PCDHGB1: variants seen among roughly 807,000 people sequenced by gnomAD.
PCDHGB1 encodes protocadherin gamma subfamily B, 1, also known as protocadherin gamma-B1.
Under a neutral mutation model 56.6 loss-of-function variants are expected in PCDHGB1, and 34 were observed. The observed-to-expected ratio is 0.60, with a 90% CI of 0.46 to 0.80. The LOEUF (loss-of-function observed/expected upper bound fraction) is 0.80, where lower values mean the gene tolerates loss of function less well. Ranked by LOEUF, PCDHGB1 falls within the 30% of genes least tolerant of loss-of-function variation. The pLI is 0.00. For synonymous variants in PCDHGB1, 561 were observed against 505.9 expected (o/e 1.11, Z -1.46); for missense variants, 1,278 against 1,204.6 (o/e 1.06, Z -0.90).
rs764337284 is a variant in PCDHGB1, at chr5:141,490,255, G to A, written c.2410-4552G>A. Reference sequence around the variant, plus strand: ...GGAGGGCCACTGTGTGATTCAAGTGGATGTGGGGGATGTCAATGACAATGC... The same window carrying A: ...GGAGGGCCACTGTGTGATTCAAGTGAATGTGGGGGATGTCAATGACAATGC... On this transcript the variant is annotated intron_variant, in intron 1 of 3. Transcript: ENST00000523390. The surrounding 1 kb of genome is among the most constrained non-coding windows in gnomAD (Gnocchi z 5.4). 6 of 1,614,118 alleles carry A rather than the reference G, an allele frequency of 3.7e-6. No individual in the cohort carries two copies. In the Admixed American group the frequency reaches 6.7e-5, roughly 18 times the overall value.
intron 2 of PCDHGB1, among the ~76,000 whole-genome samples, chr5:141,496,703 GT>G (rs1360916053): frequency 6.6e-6 from 1 of 152,132 alleles, no homozygotes; most frequent in East Asian, 1.9e-4. Context: ...CTTCTCATAA[GT>G]TATCCATTAA....
In PCDHGB1 at chr5:141,381,283, C is replaced by T. The variant is rs142136901; in HGVS notation, c.2409+28614C>T. On this transcript the variant is annotated intron_variant, in intron 1 of 3. Transcript: ENST00000523390. ...AAACCAAGACTGTTTCTTGCCAGGT[C>T]TTTATTCCAGAGCAGGTCATTCTCT... 3.8e-3 allele frequency among the ~76,000 whole-genome samples: 584 copies of T among 152,356 alleles called. 6 individuals are homozygous for T. The highest frequency in any genetic ancestry group is 0.011 in the Admixed American group (170 of 15,296).
intron 1 of PCDHGB1, chr5:141,405,200 C>T (rs1458944760): frequency 2.5e-6 from 4 of 1,613,508 alleles, no homozygotes; most frequent in Non-Finnish European, 3.4e-6. Flanking sequence ...TCGAGCTTTC[C>T]TACAGACCTA....
At chr5:141,404,231 A>G (rs1403622769) in intron 1 of PCDHGB1, 1 of 1,613,928 alleles carries the variant, frequency 6.2e-7, no homozygotes, top group Non-Finnish European at 8.5e-7. Context: ...TGCAACAGAC[A>G]GAGGAACTCC....
At chr5:141,500,782 T>G (rs2099802612) in intron 2 of PCDHGB1, among the ~76,000 whole-genome samples, 2 of 152,222 alleles carry the variant, frequency 1.3e-5, no homozygotes, top group Admixed American at 1.3e-4. Context: ...ATATACATAT[T>G]ATTTTACAGA....
In PCDHGB1 at chr5:141,400,151, C is replaced by G. The variant is rs201457414; in HGVS notation, c.2409+47482C>G. ...GTGCTGCCGGATATCACTGACCGCC[C>G]TGTACCCTCTGACCCCCAGGCTGAG... On this transcript the variant is annotated intron_variant, in intron 1 of 3. Transcript: ENST00000523390. 6.4e-5 allele frequency: 104 copies of G among 1,614,086 alleles called. No individual in the cohort carries two copies. The highest frequency in any genetic ancestry group is 4.9e-4 in the Middle Eastern group (3 of 6,062).
At chr5:141,480,859 A>G (rs1197372110) in intron 1 of PCDHGB1, among the ~76,000 whole-genome samples, 2 of 152,178 alleles carry the variant, frequency 1.3e-5, no homozygotes, top group Non-Finnish European at 2.9e-5. Context: ...AGCCTGGCCA[A>G]TATGGTGAAA....
chr5:141,357,110 C>T (rs570147053), intron 1 of PCDHGB1: 1 of 1,613,828 alleles, frequency 6.2e-7, no homozygotes, highest in East Asian at 2.2e-5. Flanking sequence ...GACAGAGACG[C>T]GCTCAAGCAG....
intron 1 of PCDHGB1, among the ~76,000 whole-genome samples, chr5:141,445,871 T>C (rs1318495005): frequency 6.6e-6 from 1 of 152,198 alleles, no homozygotes; most frequent in Non-Finnish European, 1.5e-5. Context: ...TTGTTCTAAA[T>C]ACCCTTGTAC....
In PCDHGB1 at chr5:141,502,866, C is replaced by CT. The variant is rs549047197; in HGVS notation, c.2469-2513dup. ...GAGCTGCCTAACCCTGACTCTCTGT[C>CT]TTTTTTTTTTTTTTGACAGGGAGTC... On this transcript the variant is annotated intron_variant, in intron 2 of 3. Transcript: ENST00000523390. Among the ~76,000 whole-genome samples, 1,216 of 127,988 alleles carry CT rather than the reference C, an allele frequency of 9.5e-3. 34 individuals are homozygous for CT. Among genetic ancestry groups the CT allele is most frequent in the Non-Finnish European group, 0.015 (955 of 62,394 alleles). The allele number at this position is 127,988 out of a possible 152,430, so 84.0% of individuals were successfully genotyped here.
intron 1 of PCDHGB1, among the ~76,000 whole-genome samples, chr5:141,367,981 T>C (rs908218120): frequency 6.6e-6 from 1 of 152,212 alleles, no homozygotes; most frequent in African/African-American, 2.4e-5. Context: ...TCATCTTAAA[T>C]TAATAGATTT....
Position 141,351,321 on chromosome 5 carries a change from A to G in PCDHGB1, c.1061A>G (p.Glu354Gly). 6.2e-7 allele frequency: 1 copy of G among 1,613,890 alleles called. No homozygotes were observed. The highest frequency in any genetic ancestry group is 8.5e-7 in the Non-Finnish European group (1 of 1,179,814). Reference protein sequence around the residue: ...TFMSFSNQIPEDSDLGTVIAL... With the variant: ...TFMSFSNQIPGDSDLGTVIAL... The stretch of plus-strand genomic sequence containing the variant: ...ATGTCCTTCTCTAACCAGATTCCAG[A>G]GGATTCAGACCTTGGAACTGTAATA... Residue 354 changes from glutamate to glycine, a missense_variant, in exon 1 of 4, where the codon GAG (glutamate) becomes GGG (glycine). Transcript: ENST00000523390.
intron 1 of PCDHGB1, chr5:141,361,921 G>C: frequency 6.2e-7 from 1 of 1,607,720 alleles, no homozygotes; most frequent in Non-Finnish European, 8.5e-7. Flanking sequence ...GGCGGTGGAC[G>C]CAGACTCAGG....
At position 141,486,530 on chromosome 5, in the gene PCDHGB1, C is replaced by T; in HGVS notation, c.2410-8277C>T. 6.2e-7 allele frequency: 1 copy of T among 1,614,174 alleles called. No homozygotes were observed. The highest frequency in any genetic ancestry group is 8.5e-7 in the Non-Finnish European group (1 of 1,180,022). On this transcript the variant is annotated intron_variant, in intron 1 of 3. Transcript: ENST00000523390. The surrounding 1 kb of genome is among the most constrained non-coding windows in gnomAD (Gnocchi z 5.0). Reference sequence around the variant, plus strand: ...TATTTCAGATGTGAATGATAATCCACCCTCTTTCTTTCAGAGGTCACATGA... The same window carrying T: ...TATTTCAGATGTGAATGATAATCCATCCTCTTTCTTTCAGAGGTCACATGA...
intron 1 of PCDHGB1, chr5:141,361,004 A>C (rs907175903): frequency 1.2e-6 from 2 of 1,613,282 alleles, no homozygotes; most frequent in African/African-American, 1.3e-5. Flanking sequence ...CAAGTGAAAC[A>C]CTTTTTCAAC....
intron 3 of PCDHGB1, among the ~76,000 whole-genome samples, chr5:141,509,045 GC>G (rs1165443091): frequency 6.6e-6 from 1 of 152,060 alleles, no homozygotes; most frequent in Non-Finnish European, 1.5e-5. Context: ...CCTCTCCCCC[GC>G]CCCCAGAAAG....
intron 1 of PCDHGB1, chr5:141,400,208 T>G: frequency 6.2e-7 from 1 of 1,614,042 alleles, no homozygotes; most frequent in South Asian, 1.1e-5. Context: ...GCCTTGGCCT[T>G]GATCTCAGTG....
intron 1 of PCDHGB1, chr5:141,356,602 G>A: frequency 1.2e-6 from 2 of 1,614,142 alleles, no homozygotes; most frequent in Non-Finnish European, 1.7e-6. Context: ...CAACCCCAGA[G>A]GAGCCTCCAT....
intron 1 of PCDHGB1, among the ~76,000 whole-genome samples, chr5:141,482,866 G>A (rs768388750): frequency 2.7e-5 from 4 of 150,296 alleles, no homozygotes; most frequent in Non-Finnish European, 4.4e-5. Flanking sequence ...GAGGTCAGGA[G>A]TTTGAAACCA....
Sources: allele counts gnomAD v4.1 joint callset (sites outside exome capture counted in the v4.1 genomes callset), GRCh38; gene constraint gnomAD v4.1.1; non-coding constraint Gnocchi (gnomAD v3.1); transcripts MANE v1.5; gene names NCBI Gene and HGNC (gene_info 2026-07-23, HGNC 2026-07-21).